Variants in HSD17B6 observed in about 807,000 individuals in gnomAD.
HSD17B6 encodes the protein hydroxysteroid 17-beta dehydrogenase 6.
Under a neutral mutation model 26.4 loss-of-function variants are expected in HSD17B6, and 16 were observed. That is an observed-to-expected ratio of 0.61 (90% CI 0.41 to 0.92). The LOEUF is 0.92. Among genes scored for constraint, HSD17B6 ranks in the 40% least tolerant of loss-of-function variants. The pLI is 0.00. For synonymous variants in HSD17B6, 139 were observed against 153.0 expected (o/e 0.91, Z 0.68); for missense variants, 357 against 386.1 (o/e 0.92, Z 0.63).
intron 4 of HSD17B6, chr12:56,786,008 C>A (rs1281488346): frequency 2.1e-6 from 2 of 943,014 alleles, no homozygotes; most frequent in African/African-American, 1.8e-5. Context: ...GGAATGACTT[C>A]TAATAGGTAC....
chr12:56,765,506 T>C (rs2137891537), intron 1 of HSD17B6, among the ~76,000 whole-genome samples: 1 of 152,122 alleles, frequency 6.6e-6, no homozygotes, highest in South Asian at 2.1e-4. Context: ...TATCTATTTA[T>C]TAATTTTTCC....
intron 3 of HSD17B6, among the ~76,000 whole-genome samples, chr12:56,782,962 G>A (rs1156610056): frequency 6.6e-6 from 1 of 152,102 alleles, no homozygotes; most frequent in Non-Finnish European, 1.5e-5. Flanking sequence ...TTGGGGTTAA[G>A]GTCACAGATC....
In HSD17B6 at chr12:56,774,018, G is replaced by C; in HGVS notation, c.166G>C (p.Val56Leu). 1 of 1,614,170 alleles carries C rather than the reference G, an allele frequency of 6.2e-7. No homozygotes were observed. Among genetic ancestry groups the C allele is most frequent in the Non-Finnish European group, 8.5e-7 (1 of 1,180,026 alleles). ...ACAGCTGGATGCACGAGGCTTGAGA[G>C]TGCTGGCTGCGTGTCTGACGGAGAA... is the stretch of plus-strand genomic sequence containing the variant. The part of the protein sequence containing the change: ...ARQLDARGLR[V>L]LAACLTEKGA... Residue 56 changes from valine (V) to leucine (L), a missense_variant, in exon 2 of 5, where the codon GTG (valine) becomes CTG (leucine). Transcript: ENST00000322165.
rs776947660 is a variant in HSD17B6, at chr12:56,784,954, A to G, written c.674A>G (p.Gln225Arg). The G allele has an allele frequency of 5.0e-6, 8 of 1,614,128 alleles. No homozygotes were observed. The highest frequency in any genetic ancestry group is 5.9e-6 in the Non-Finnish European group (7 of 1,180,020). Residue 225 changes from glutamine to arginine, a missense_variant, in exon 4 of 5, where the codon CAA (glutamine) becomes CGA (arginine). Gln to Arg is a conservative substitution (Grantham distance 43, BLOSUM62 1). Coordinates refer to ENST00000322165, the MANE Select transcript of HSD17B6 (RefSeq NM_003725.4). ...NMTQSLERMK[Q>R]SWKEAPKHIK... is the part of the protein sequence containing the mutation. ...ACACAGTCCTTAGAGCGAATGAAGC[A>G]AAGTTGGAAAGAAGCCCCCAAGCAT...
At chr12:56,769,757 G>T (rs1252279009) in intron 1 of HSD17B6, among the ~76,000 whole-genome samples, 1 of 152,214 alleles carries the variant, frequency 6.6e-6, no homozygotes, top group East Asian at 1.9e-4. Context: ...TTTTGCAGAT[G>T]AATGGTTTGT....
At chr12:56,784,388 T>C (rs977831148) in intron 3 of HSD17B6, among the ~76,000 whole-genome samples, 6 of 152,218 alleles carry the variant, frequency 3.9e-5, no homozygotes, top group Middle Eastern at 3.4e-3. Flanking sequence ...CTGGGCACCA[T>C]TGAGCACTGA....
At chr12:56,771,037 AC>A (rs1389602012) in intron 1 of HSD17B6, among the ~76,000 whole-genome samples, 1 of 152,204 alleles carries the variant, frequency 6.6e-6, no homozygotes, top group Admixed American at 6.5e-5. Flanking sequence ...CCTCTTGGGC[AC>A]TGGTCAGCCA....
chr12:56,767,870 TA>T (rs1391532564), intron 1 of HSD17B6, among the ~76,000 whole-genome samples: 1 of 149,094 alleles, frequency 6.7e-6, no homozygotes, highest in Non-Finnish European at 1.5e-5. Flanking sequence ...TATACGTGTA[TA>T]TATACACGTA....
At chr12:56,770,083 G>A (rs1954438251) in intron 1 of HSD17B6, among the ~76,000 whole-genome samples, 1 of 152,106 alleles carries the variant, frequency 6.6e-6, no homozygotes, top group Non-Finnish European at 1.5e-5. Context: ...GAGGCAGCTG[G>A]CTAGAGAACA....
chr12:56,773,857 G>A lies in HSD17B6; in HGVS notation c.5G>A (p.Trp2Ter). M[W>*]LYLAAFVGLY... ...AGAGAAGGAAGCACCCTCACTATGT[G>A]GCTCTACCTGGCGGCCTTCGTGGGC... The change falls in exon 2 of 5, where the codon TGG becomes TAG. Residue 2 changes from tryptophan (W) to a stop codon, truncating the protein, a stop_gained. Transcript: ENST00000322165. LOFTEE classifies it high-confidence loss of function. 1.3e-6 allele frequency: 2 copies of A among 1,554,526 alleles called. No homozygotes were observed. Among genetic ancestry groups the A allele is most frequent in the Non-Finnish European group, 1.7e-6 (2 of 1,148,624 alleles).
intron 1 of HSD17B6, among the ~76,000 whole-genome samples, chr12:56,767,645 T>TTA (rs1245871969): frequency 1.3e-4 from 19 of 141,166 alleles, no homozygotes; most frequent in African/African-American, 5.0e-4. Flanking sequence ...TATTAATATA[T>TTA]TATATATATT....
At chr12:56,784,786 C>G in intron 3 of HSD17B6, 67 bp from the exon 4 acceptor site, 1 of 1,498,262 alleles carries the variant, frequency 6.7e-7, no homozygotes, top group Non-Finnish European at 9.1e-7. Context: ...TTTTGTTTTG[C>G]TTTTCCTTCC....
At chr12:56,772,295 T>C (rs1954491338) in intron 1 of HSD17B6, among the ~76,000 whole-genome samples, 1 of 152,176 alleles carries the variant, frequency 6.6e-6, no homozygotes, top group African/African-American at 2.4e-5. Context: ...AAATGGACTA[T>C]GTATTGTTCA....
intron 2 of HSD17B6, among the ~76,000 whole-genome samples, 177 bp from the exon 3 acceptor site, chr12:56,781,797 G>C (rs1954719562): frequency 6.6e-6 from 1 of 152,030 alleles, no homozygotes; most frequent in African/African-American, 2.4e-5. Flanking sequence ...GCGAGACTTT[G>C]TCTCAAAAAA....
intron 2 of HSD17B6, among the ~76,000 whole-genome samples, chr12:56,778,955 G>C (rs1407031678): frequency 6.7e-6 from 1 of 149,604 alleles, no homozygotes; most frequent in Non-Finnish European, 1.5e-5. Flanking sequence ...GATTACACGC[G>C]TGAGCCACCG....
intron 3 of HSD17B6, among the ~76,000 whole-genome samples, chr12:56,783,376 A>C (rs1592374676): frequency 2.4e-5 from 2 of 84,566 alleles, no homozygotes; most frequent in African/African-American, 4.6e-5. Context: ...TGAGCCCCCC[A>C]CCTCCCTCCC....
At chr12:56,764,265 G>A (rs1306236553) in intron 1 of HSD17B6, among the ~76,000 whole-genome samples, 1 of 152,110 alleles carries the variant, frequency 6.6e-6, no homozygotes, top group Non-Finnish European at 1.5e-5. Context: ...TGACTAAGCT[G>A]ACTGGAGTTT....
chr12:56,765,206 G>A (rs1282660836), intron 1 of HSD17B6, among the ~76,000 whole-genome samples: 3 of 152,000 alleles, frequency 2.0e-5, no homozygotes, highest in Non-Finnish European at 4.4e-5. Context: ...GGAGGCTGAG[G>A]CAGGCGGATC....
intron 2 of HSD17B6, among the ~76,000 whole-genome samples, chr12:56,779,328 G>T (rs1954662817): frequency 6.6e-6 from 1 of 151,996 alleles, no homozygotes; most frequent in Admixed American, 6.6e-5. Flanking sequence ...TTTGTAGAGT[G>T]GGTCTCACTG....
Sources: gnomAD v4.1 joint callset for allele counts (sites outside exome capture counted in the v4.1 genomes callset) on GRCh38, gnomAD v4.1.1 for gene constraint, MANE v1.5 for transcripts, NCBI Gene and HGNC (gene_info 2026-07-23, HGNC 2026-07-21) for gene names.